The following NAALADL2 variants were observed in gnomAD, a reference collection of about 807,000 sequenced individuals.
The protein encoded by NAALADL2 is N-acetylated alpha-linked acidic dipeptidase like 2.
NAALADL2 carries 76 observed loss-of-function variants against 87.2 expected under a neutral mutation model. That is an observed-to-expected ratio of 0.87 (90% CI 0.72 to 1.05). The LOEUF is 1.05. Among genes scored for constraint, NAALADL2 ranks in the 50% least tolerant of loss-of-function variants. The probability of loss-of-function intolerance (pLI) is 0.00; values close to 1 mark genes in which losing one functional copy is unlikely to be tolerated. For missense variants in NAALADL2, 1,089 were observed against 945.8 expected (o/e 1.15, Z -1.99); for synonymous variants, 354 against 331.0 (o/e 1.07, Z -0.75).
At chr3:175,143,921 C>T (rs927649010) in intron 2 of NAALADL2, among the ~76,000 whole-genome samples, 3 of 151,906 alleles carry the variant, frequency 2.0e-5, no homozygotes, top group Non-Finnish European at 4.4e-5. Context: ...TTGCTGTATG[C>T]AATACATTAT....
intron 4 of NAALADL2, among the ~76,000 whole-genome samples, chr3:175,297,618 TG>T (rs1317345354): frequency 3.3e-5 from 5 of 152,194 alleles, no homozygotes; most frequent in African/African-American, 9.6e-5. Context: ...ACCTTATTAT[TG>T]TGGTATTACC....
intron 1 of NAALADL2, among the ~76,000 whole-genome samples, chr3:174,882,200 C>G (rs1293516168): frequency 6.6e-6 from 1 of 151,938 alleles, no homozygotes; most frequent in Admixed American, 6.6e-5. Context: ...CACTTGTTCT[C>G]TTTGTATCTC....
intron 2 of NAALADL2, among the ~76,000 whole-genome samples, chr3:174,584,444 GATTT>G (rs1459699578): frequency 6.6e-6 from 1 of 151,948 alleles, no homozygotes; most frequent in Non-Finnish European, 1.5e-5. Flanking sequence ...TAGTACATCA[GATTT>G]ATTTTTCTTT....
At chr3:175,754,861 C>T (rs939891850) in intron 12 of NAALADL2, among the ~76,000 whole-genome samples, 1 of 152,154 alleles carries the variant, frequency 6.6e-6, no homozygotes, top group African/African-American at 2.4e-5. Flanking sequence ...ATATAGCAAT[C>T]CTTCAGCAAT....
Position 175,389,098 on chromosome 3 carries a change from A to G in NAALADL2, c.1091-58131A>G, listed in dbSNP as rs138936840. Among the ~76,000 whole-genome samples the G allele has an allele frequency of 3.0e-3, 457 of 152,290 alleles. 3 individuals carry two copies. Among genetic ancestry groups the G allele is most frequent in the African/African-American group, 0.01 (420 of 41,576 alleles). ...AGATTACCAATATTTCTAATTAAAG[A>G]TACTGTTGACCATAAGCTAATTAGA... On this transcript the variant is annotated intron_variant, in intron 5 of 13. Transcript: ENST00000454872.
At chr3:175,324,113 G>A (rs948846715) in intron 4 of NAALADL2, 62 bp from the exon 5 acceptor site, 132 of 1,333,178 alleles carry the variant, frequency 9.9e-5, no homozygotes, top group Non-Finnish European at 1.3e-4. Context: ...TTGGCAAAAT[G>A]GCACTATATG....
intron 1 of NAALADL2, among the ~76,000 whole-genome samples, chr3:174,940,896 C>CT (rs1389948540): frequency 6.6e-6 from 1 of 151,276 alleles, no homozygotes; most frequent in Non-Finnish European, 1.5e-5. Flanking sequence ...TTGGATCTTT[C>CT]TTTTCTTCTT....
intron 13 of NAALADL2, among the ~76,000 whole-genome samples, chr3:175,761,673 G>A (rs556338600): frequency 3.3e-5 from 5 of 152,198 alleles, no homozygotes; most frequent in East Asian, 3.9e-4. Flanking sequence ...TGTTGTCAGT[G>A]TTTTGGATTT....
intron 5 of NAALADL2, among the ~76,000 whole-genome samples, chr3:175,336,265 A>G (rs553436689): frequency 6.6e-6 from 1 of 152,290 alleles, no homozygotes; most frequent in South Asian, 2.1e-4. Context: ...CTACAAAACT[A>G]TTAGACTTAT....
chr3:174,775,660 G>C (rs550629311), intron 3 of NAALADL2, among the ~76,000 whole-genome samples: 3 of 152,130 alleles, frequency 2.0e-5, no homozygotes, highest in Non-Finnish European at 2.9e-5. Flanking sequence ...CCACAGTGCA[G>C]ATCTCCCCAC....
chr3:175,552,229 T>C (rs56261349), intron 9 of NAALADL2, among the ~76,000 whole-genome samples: 27,690 of 152,124 alleles, frequency 0.18, 2,641 homozygotes, highest in Middle Eastern at 0.23. Flanking sequence ...ATGCAGTCCA[T>C]TGGGAATACA....
chr3:175,355,753 C>G (rs1764292478), intron 5 of NAALADL2, among the ~76,000 whole-genome samples: 1 of 152,172 alleles, frequency 6.6e-6, no homozygotes, highest in Non-Finnish European at 1.5e-5. Flanking sequence ...TACTGCCTTG[C>G]TTCCAATGTG....
At chr3:174,462,167 T>A (rs1185311364) in intron 1 of NAALADL2, among the ~76,000 whole-genome samples, 1 of 152,068 alleles carries the variant, frequency 6.6e-6, no homozygotes, top group Non-Finnish European at 1.5e-5. Context: ...TTCTGATTTT[T>A]GTTTTTAAAT....
At chr3:175,258,401 G>A (rs1750451227) in intron 4 of NAALADL2, among the ~76,000 whole-genome samples, 1 of 151,284 alleles carries the variant, frequency 6.6e-6, no homozygotes. Flanking sequence ...CGTCTTGAAT[G>A]TGTATGTATA....
At chr3:175,163,306 T>C (rs1449964035) in intron 2 of NAALADL2, among the ~76,000 whole-genome samples, 2 of 152,102 alleles carry the variant, frequency 1.3e-5, no homozygotes, top group African/African-American at 4.8e-5. Context: ...CCAGATTGTA[T>C]AAACTTACTG....
chr3:174,718,177 A>G (rs748934393), intron 2 of NAALADL2, among the ~76,000 whole-genome samples: 1 of 152,190 alleles, frequency 6.6e-6, no homozygotes, highest in Non-Finnish European at 1.5e-5. Flanking sequence ...ATGATAAGAT[A>G]TGCCATTGAA....
chr3:174,587,843 A>G (rs1202069468), intron 2 of NAALADL2, among the ~76,000 whole-genome samples: 1 of 151,990 alleles, frequency 6.6e-6, no homozygotes, highest in Admixed American at 6.6e-5. Context: ...TGAATCTGAC[A>G]ATTATGTGTC....
intron 3 of NAALADL2, among the ~76,000 whole-genome samples, chr3:174,742,196 G>A (rs1047899345): frequency 1.3e-5 from 2 of 151,496 alleles, no homozygotes; most frequent in Non-Finnish European, 3.0e-5. Context: ...TATTTATGGT[G>A]AGCCTATTAT....
chr3:175,276,458 C>T (rs1225631471), intron 4 of NAALADL2, among the ~76,000 whole-genome samples: 1 of 152,080 alleles, frequency 6.6e-6, no homozygotes, highest in African/African-American at 2.4e-5. Context: ...CATGTGCCAC[C>T]ACGCCTGGCT....
Sources: gnomAD v4.1 joint callset for allele counts (sites outside exome capture counted in the v4.1 genomes callset) on GRCh38, gnomAD v4.1.1 for gene constraint, MANE v1.5 for transcripts, NCBI Gene and HGNC (gene_info 2026-07-23, HGNC 2026-07-21) for gene names.